The following RAP2A variants were observed in gnomAD, a reference collection of about 807,000 sequenced individuals.
The protein encoded by RAP2A is RAP2A, member of RAS oncogene family, also known as ras-related protein Rap-2a.
In RAP2A, 5 loss-of-function variants were observed where a neutral mutation model predicts 15.1. The ratio of observed to expected loss-of-function variants is 0.33; its 90% confidence interval spans 0.17 to 0.70. RAP2A has a LOEUF of 0.70. Ranked by LOEUF, RAP2A falls within the 30% of genes least tolerant of loss-of-function variation. RAP2A has a pLI of 0.68. For synonymous variants in RAP2A, 110 were observed against 99.7 expected, an observed-to-expected ratio of 1.10 and a Z score of -0.62; for missense variants, 111 against 240.3, an observed-to-expected ratio of 0.46 and a Z score of 3.56.
intron 1 of RAP2A, chr13:97,437,121 AATAAC>A (rs1286781535): frequency 6.6e-6 from 1 of 152,252 alleles, no homozygotes; most frequent in African/African-American, 2.4e-5. Flanking sequence ...ATTTTTTAAA[AATAAC>A]ATAAATATAT....
Position 97,462,019 on chromosome 13 carries a change from GATATTTAT to G in RAP2A, c.315-2173_315-2166del, listed in dbSNP as rs1268899721. On this transcript the variant is annotated intron_variant, in intron 1 of 1. Coordinates refer to ENST00000245304, the MANE Select transcript of RAP2A (RefSeq NM_021033.7). The stretch of plus-strand genomic sequence containing the variant: ...ATATTTATATTTATATATTTATATA[GATATTTAT>G]ATATTTATATATATTTATATATATA... Among the ~76,000 whole-genome samples, 124 of 137,406 alleles carry G rather than the reference GATATTTAT, an allele frequency of 9.0e-4. 3 individuals are homozygous for G. The highest frequency in any genetic ancestry group is 1.6e-3 in the Non-Finnish European group (103 of 64,006). The allele number at this position is 137,406 out of a possible 152,430, so 90.1% of individuals were successfully genotyped here.
At position 97,434,804 on chromosome 13, in the gene RAP2A, G is replaced by A. The variant is rs775664340; in HGVS notation, c.314+20G>A. 1 of 1,611,866 alleles carries A rather than the reference G, an allele frequency of 6.2e-7. No homozygotes were observed. The highest frequency in any genetic ancestry group is 8.5e-7 in the Non-Finnish European group (1 of 1,178,808). On this transcript the variant is annotated intron_variant, in intron 1 of 1. Transcript: ENST00000245304. Reference sequence around the variant, plus strand: ...GAAGCGGTGAGCGAGGGCACACGGGGGCTTGGCGGCTGCACCCCGGAGTCA... The same window carrying A: ...GAAGCGGTGAGCGAGGGCACACGGGAGCTTGGCGGCTGCACCCCGGAGTCA...
chr13:97,461,990 T>TA (rs1566475726), intron 1 of RAP2A, among the ~76,000 whole-genome samples: 10 of 141,780 alleles, frequency 7.1e-5, no homozygotes, highest in African/African-American at 2.7e-4. Flanking sequence ...ATATATATAT[T>TA]TATATATTTA....
chr13:97,441,581 T>A (rs1243627016), intron 1 of RAP2A, among the ~76,000 whole-genome samples: 1 of 151,994 alleles, frequency 6.6e-6, no homozygotes, highest in Non-Finnish European at 1.5e-5. Context: ...CTTAAGGGAA[T>A]TTTTTTTCAG....
intron 1 of RAP2A, among the ~76,000 whole-genome samples, chr13:97,438,181 G>A (rs2066642121): frequency 6.6e-6 from 1 of 152,058 alleles, no homozygotes; most frequent in African/African-American, 2.4e-5. Context: ...TGTTACCCAT[G>A]CCAGGATCAG....
At chr13:97,462,299 T>C (rs2153180493) in intron 1 of RAP2A, among the ~76,000 whole-genome samples, 1 of 152,202 alleles carries the variant, frequency 6.6e-6, no homozygotes, top group African/African-American at 2.4e-5. Context: ...AAAAACGAAA[T>C]GTAATTACAT....
intron 1 of RAP2A, among the ~76,000 whole-genome samples, chr13:97,448,142 A>G (rs1262544047): frequency 2.0e-5 from 3 of 152,142 alleles, no homozygotes; most frequent in Admixed American, 6.5e-5. Flanking sequence ...TTAGAGGGAA[A>G]GGTATCTATC....
intron 1 of RAP2A, among the ~76,000 whole-genome samples, chr13:97,456,008 G>A (rs1475187942): frequency 6.6e-6 from 1 of 151,270 alleles, no homozygotes; most frequent in Non-Finnish European, 1.5e-5. Context: ...CGGGACTGAG[G>A]GCCCATTTCC....
At chr13:97,454,049 T>C (rs944314049) in intron 1 of RAP2A, among the ~76,000 whole-genome samples, 2 of 151,328 alleles carry the variant, frequency 1.3e-5, no homozygotes, top group Non-Finnish European at 2.9e-5. Context: ...ATATTAGTCT[T>C]GTCGGATCGA....
rs147836240 is a variant in RAP2A, at chr13:97,462,429, TG to T, written c.315-1774del. On this transcript the variant is annotated intron_variant, in intron 1 of 1. Coordinates refer to ENST00000245304, the MANE Select transcript of RAP2A (RefSeq NM_021033.7). Reference sequence around the variant, plus strand: ...GTTTATATGCAAAGTAGCAAATACATGGTGTTTTGTAATGCAGCTTTATTCT... The same window carrying T: ...GTTTATATGCAAAGTAGCAAATACATGTGTTTTGTAATGCAGCTTTATTCT... Among the ~76,000 whole-genome samples the T allele has an allele frequency of 8.5e-3, 1,291 of 152,262 alleles. 27 individuals are homozygous for T. Among genetic ancestry groups the T allele is most frequent in the African/African-American group, 0.029 (1,220 of 41,538 alleles).
intron 1 of RAP2A, among the ~76,000 whole-genome samples, chr13:97,458,742 A>G (rs1024694809): frequency 1.2e-4 from 19 of 152,176 alleles, no homozygotes; most frequent in Non-Finnish European, 1.2e-4. Context: ...ATACGTATAC[A>G]TACCTACATA....
intron 1 of RAP2A, 22 bp downstream of exon 1, chr13:97,434,806 C>T (rs749143120): frequency 3.1e-6 from 5 of 1,611,450 alleles, no homozygotes; most frequent in Non-Finnish European, 4.2e-6. Flanking sequence ...CACACGGGGG[C>T]TTGGCGGCTG....
intron 1 of RAP2A, among the ~76,000 whole-genome samples, chr13:97,438,393 C>G (rs144110642): frequency 2.0e-3 from 299 of 152,314 alleles, no homozygotes; most frequent in African/African-American, 6.9e-3. Context: ...TCTCTGGGCT[C>G]TCCTTTGGCC....
chr13:97,444,479 G>C (rs974390728), intron 1 of RAP2A, among the ~76,000 whole-genome samples: 3 of 152,112 alleles, frequency 2.0e-5, no homozygotes, highest in African/African-American at 7.2e-5. Flanking sequence ...TGCTGGCATA[G>C]CTTTTTAATA....
At position 97,464,804 on chromosome 13, in the gene RAP2A, C is replaced by A; in HGVS notation, c.*362C>A. ...GGAGAAACCAGAAGAATTCCTCTGA[C>A]CACTTACAATTAAAATATTTTGTCT... On this transcript the variant is annotated 3_prime_UTR_variant, in exon 2 of 2. Coordinates refer to ENST00000245304, the MANE Select transcript of RAP2A (RefSeq NM_021033.7). The A allele has an allele frequency of 5.3e-6, 1 of 188,086 alleles. No individual in the cohort carries two copies. The highest frequency in any genetic ancestry group is 1.1e-5 in the Non-Finnish European group (1 of 91,808). 11.7% of individuals were successfully genotyped at this position (188,086 alleles called of 1,614,324 possible).
intron 1 of RAP2A, among the ~76,000 whole-genome samples, chr13:97,459,579 C>G (rs554799411): frequency 6.6e-6 from 1 of 152,152 alleles, no homozygotes; most frequent in Non-Finnish European, 1.5e-5. Context: ...ATGCTGTCGC[C>G]GGCTCAGGCA....
chr13:97,459,088 C>T (rs999108610), intron 1 of RAP2A, among the ~76,000 whole-genome samples: 1 of 152,150 alleles, frequency 6.6e-6, no homozygotes, highest in African/African-American at 2.4e-5. Flanking sequence ...CTGAGCTGGT[C>T]ATGCCCTTAA....
At chr13:97,435,599 A>G (rs138475800) in intron 1 of RAP2A, among the ~76,000 whole-genome samples, 1 of 151,828 alleles carries the variant, frequency 6.6e-6, no homozygotes, top group African/African-American at 2.4e-5. Flanking sequence ...TTATATATAT[A>G]TATAAATTCT....
chr13:97,438,923 A>G (rs2066645448), intron 1 of RAP2A, among the ~76,000 whole-genome samples: 1 of 152,190 alleles, frequency 6.6e-6, no homozygotes, highest in Non-Finnish European at 1.5e-5. Context: ...AAACATTTTG[A>G]TTTCATAGAT....
Sources: gnomAD v4.1 joint callset for allele counts (sites outside exome capture counted in the v4.1 genomes callset) on GRCh38, gnomAD v4.1.1 for gene constraint, MANE v1.5 for transcripts, NCBI Gene and HGNC (gene_info 2026-07-23, HGNC 2026-07-21) for gene names.